The following KATNAL2 variants were observed in gnomAD, a reference collection of about 807,000 sequenced individuals.
KATNAL2 encodes the protein katanin p60 ATPase-containing subunit A-like 2.
Under a neutral mutation model 76.3 loss-of-function variants are expected in KATNAL2, and 52 were observed. That is an observed-to-expected ratio of 0.68 (90% confidence interval 0.55 to 0.86). The LOEUF (loss-of-function observed/expected upper bound fraction) is 0.86. KATNAL2 is among the 40% of genes least tolerant of loss of function. The pLI is 0.00. For missense variants in KATNAL2, 660 were observed against 668.9 expected (o/e 0.99, Z 0.15); for synonymous variants, 243 against 244.2 (o/e 1.00, Z 0.05).
chr18:46,918,825 T>A (rs899896387), intron 1 of KATNAL2, among the ~76,000 whole-genome samples: 1 of 152,144 alleles, frequency 6.6e-6, no homozygotes, highest in Non-Finnish European at 1.5e-5. Flanking sequence ...GGTTTCACTT[T>A]AAGTGTCACT....
chr18:47,032,596 C>A, intron 3 of KATNAL2: 1 of 248,298 alleles, frequency 4.0e-6, no homozygotes, highest in Non-Finnish European at 7.8e-6. Flanking sequence ...TTTATGTATT[C>A]GGAGTTATCA....
At chr18:47,087,340 C>T (rs544726797) in intron 15 of KATNAL2, among the ~76,000 whole-genome samples, 1 of 152,212 alleles carries the variant, frequency 6.6e-6, no homozygotes, top group African/African-American at 2.4e-5. Context: ...AAATGTGGTA[C>T]ATATATACCA....
At chr18:46,926,470 TC>T (rs1427940005) in intron 1 of KATNAL2, among the ~76,000 whole-genome samples, 1 of 152,212 alleles carries the variant, frequency 6.6e-6, no homozygotes, top group Non-Finnish European at 1.5e-5. Context: ...TAATTGCTGT[TC>T]TTTTACATTT....
In KATNAL2 at chr18:47,099,359, G is replaced by A; in HGVS notation, c.1328G>A (p.Arg443Lys). The A allele has an allele frequency of 6.2e-7, 1 of 1,614,068 alleles. No individual in the cohort carries two copies. The highest frequency in any genetic ancestry group is 8.5e-7 in the Non-Finnish European group (1 of 1,179,946). ...TGGCTGCCTCCTGTGAGCAAGAGCA[G>A]GGCCTTGGAGCTGCACACAGAGCTG... The part of the protein sequence containing the change: ...YHWLPPVSKS[R>K]ALELHTELEY... Residue 443 changes from arginine (R) to lysine (K), a missense_variant, in exon 16 of 18, where the codon AGG (arginine) becomes AAG (lysine). Transcript: ENST00000683218.
chr18:46,952,843 C>A, intron 3 of KATNAL2, among the ~76,000 whole-genome samples: 1 of 150,996 alleles, frequency 6.6e-6, no homozygotes, highest in Non-Finnish European at 1.5e-5. Flanking sequence ...TTTCCTTCCT[C>A]CCTTCTCTTT....
At chr18:46,943,956 T>C (rs1029034908) in intron 1 of KATNAL2, among the ~76,000 whole-genome samples, 22 of 152,226 alleles carry the variant, frequency 1.4e-4, no homozygotes, top group Admixed American at 1.0e-3. Flanking sequence ...ACCTTAATTG[T>C]TTTTCTTCCC....
At chr18:46,941,573 AT>A (rs1358082820) in intron 1 of KATNAL2, among the ~76,000 whole-genome samples, 1 of 152,140 alleles carries the variant, frequency 6.6e-6, no homozygotes, top group Non-Finnish European at 1.5e-5. Context: ...CTTGAGCTCT[AT>A]TTTCGTATCC....
chr18:47,054,504 A>G, intron 6 of KATNAL2, 66 bp downstream of exon 6: 2 of 1,470,390 alleles, frequency 1.4e-6, no homozygotes, highest in Non-Finnish European at 1.9e-6. Flanking sequence ...CCTTTCCAGA[A>G]GCTTTACCAT....
intron 3 of KATNAL2, among the ~76,000 whole-genome samples, chr18:46,947,210 G>A (rs915421600): frequency 6.6e-6 from 1 of 152,196 alleles, no homozygotes; most frequent in Non-Finnish European, 1.5e-5. Context: ...TGACGGGGAG[G>A]TGTTATTAGA....
intron 3 of KATNAL2, among the ~76,000 whole-genome samples, chr18:46,950,364 T>C (rs2059515178): frequency 1.3e-5 from 2 of 152,140 alleles, no homozygotes; most frequent in Admixed American, 1.3e-4. Context: ...GGGGATGTGA[T>C]CCAGTGTGTT....
chr18:46,962,053 T>C (rs961532022), intron 3 of KATNAL2, among the ~76,000 whole-genome samples: 1 of 152,168 alleles, frequency 6.6e-6, no homozygotes, highest in Non-Finnish European at 1.5e-5. Context: ...AAAAATATAA[T>C]ATGAGGAAAT....
At chr18:47,031,443 G>T (rs1272004843) in intron 3 of KATNAL2, among the ~76,000 whole-genome samples, 2 of 152,048 alleles carry the variant, frequency 1.3e-5, no homozygotes, top group South Asian at 4.2e-4. Flanking sequence ...GTGTTGTGGT[G>T]GGGGCGGGGT....
chr18:46,928,742 T>A (rs888986453), intron 1 of KATNAL2, among the ~76,000 whole-genome samples: 1 of 152,072 alleles, frequency 6.6e-6, no homozygotes, highest in Non-Finnish European at 1.5e-5. Flanking sequence ...CCCAGGAAGA[T>A]CCCTATTCCC....
intron 3 of KATNAL2, among the ~76,000 whole-genome samples, chr18:47,036,806 T>C (rs1301832290): frequency 2.0e-5 from 3 of 152,250 alleles, no homozygotes; most frequent in Non-Finnish European, 4.4e-5. Flanking sequence ...GTTGACCAAT[T>C]CTGACATTGT....
chr18:47,049,695 A>G (rs1277951545), intron 4 of KATNAL2, among the ~76,000 whole-genome samples: 1 of 152,138 alleles, frequency 6.6e-6, no homozygotes, highest in Non-Finnish European at 1.5e-5. Flanking sequence ...AATTTGGCCA[A>G]AGCTTTTCCA....
chr18:46,946,596 A>G (rs778503009), intron 2 of KATNAL2, 50 bp downstream of exon 2: 12 of 981,842 alleles, frequency 1.2e-5, no homozygotes, highest in Non-Finnish European at 1.5e-5. Context: ...TAAGAAAACC[A>G]AAACAATTGC....
intron 13 of KATNAL2, 79 bp downstream of exon 13, chr18:47,069,679 CT>C: frequency 2.1e-6 from 2 of 930,488 alleles, no homozygotes; most frequent in Non-Finnish European, 3.3e-6. Context: ...AGCTTCTTTG[CT>C]TTTAGGTGAT....
intron 11 of KATNAL2, among the ~76,000 whole-genome samples, chr18:47,068,151 C>G (rs1267075833): frequency 6.6e-6 from 1 of 152,222 alleles, no homozygotes; most frequent in South Asian, 2.1e-4. Flanking sequence ...GTCACAGGGC[C>G]AGGCCCAGAT....
intron 1 of KATNAL2, among the ~76,000 whole-genome samples, chr18:46,938,121 A>G (rs1330300535): frequency 6.6e-6 from 1 of 152,160 alleles, no homozygotes; most frequent in Non-Finnish European, 1.5e-5. Context: ...CTTTGTGTAG[A>G]ATAAGAAAAA....
Sources: allele counts gnomAD v4.1 joint callset (sites outside exome capture counted in the v4.1 genomes callset), GRCh38; gene constraint gnomAD v4.1.1; transcripts MANE v1.5; gene names NCBI Gene and HGNC (gene_info 2026-07-23, HGNC 2026-07-21).